MAGI1: variants seen among roughly 807,000 people sequenced by gnomAD.
MAGI1 encodes membrane associated guanylate kinase, WW and PDZ domain containing 1, also known as membrane-associated guanylate kinase, WW and PDZ domain-containing protein 1.
MAGI1 carries 58 observed loss-of-function variants against 139.9 expected under a neutral mutation model. That is an observed-to-expected ratio of 0.41 (90% confidence interval 0.34 to 0.52). The LOEUF (loss-of-function observed/expected upper bound fraction) is 0.52, where lower values mean the gene tolerates loss of function less well. MAGI1 is among the 20% of genes least tolerant of loss of function. The pLI, the probability that MAGI1 is intolerant of heterozygous loss-of-function variation, is 0.12. For synonymous variants in MAGI1, 812 were observed against 737.9 expected, an observed-to-expected ratio of 1.10 and a Z score of -1.63; for missense variants, 1,874 against 1,901.6, an observed-to-expected ratio of 0.99 and a Z score of 0.27.
At chr3:65,401,372 T>TGCCCC in intron 13 of MAGI1, 67 bp downstream of exon 13, 3 of 778,308 alleles carry the variant, frequency 3.9e-6, no homozygotes, top group Non-Finnish European at 6.3e-6. Flanking sequence ...CAGAGTACCC[T>TGCCCC]CCCACCTCCA....
chr3:65,437,665 G>GTGC (rs1023628037), intron 9 of MAGI1, among the ~76,000 whole-genome samples: 1 of 152,108 alleles, frequency 6.6e-6, no homozygotes, highest in Non-Finnish European at 1.5e-5. Context: ...TGCTAAGGGT[G>GTGC]TGCTCTTCTG....
intron 1 of MAGI1, among the ~76,000 whole-genome samples, chr3:65,680,285 A>G (rs1463730240): frequency 6.6e-6 from 1 of 152,134 alleles, no homozygotes; most frequent in Non-Finnish European, 1.5e-5. Flanking sequence ...ATACGGCACC[A>G]TCTCTGGCAG....
chr3:65,359,938 A>G, intron 22 of MAGI1: 1 of 985,428 alleles, frequency 1.0e-6, no homozygotes, highest in South Asian at 4.7e-5. Flanking sequence ...CAGTGGTATC[A>G]ATACACCTAA....
intron 2 of MAGI1, among the ~76,000 whole-genome samples, chr3:65,571,184 G>T (rs1369779221): frequency 6.6e-6 from 1 of 152,092 alleles, no homozygotes; most frequent in Non-Finnish European, 1.5e-5. Context: ...TAACGGCTTG[G>T]AAAATTCTAT....
At chr3:65,777,732 A>G (rs2038582170) in intron 1 of MAGI1, among the ~76,000 whole-genome samples, 1 of 152,150 alleles carries the variant, frequency 6.6e-6, no homozygotes, top group South Asian at 2.1e-4. Context: ...ACAAATGTAT[A>G]TAGCTGGTTT....
intron 18 of MAGI1, among the ~76,000 whole-genome samples, chr3:65,369,846 C>T (rs1395629768): frequency 6.6e-6 from 1 of 152,120 alleles, no homozygotes; most frequent in Non-Finnish European, 1.5e-5. Flanking sequence ...AGAAACCACT[C>T]TGAGTTAAGA....
intron 2 of MAGI1, among the ~76,000 whole-genome samples, chr3:65,603,341 A>C (rs1017053883): frequency 1.3e-5 from 2 of 152,212 alleles, no homozygotes; most frequent in East Asian, 3.8e-4. Flanking sequence ...CAGACCAAAA[A>C]ATATATATAG....
intron 1 of MAGI1, among the ~76,000 whole-genome samples, chr3:65,690,829 TA>T (rs1293356964): frequency 8.1e-6 from 1 of 123,332 alleles, no homozygotes; most frequent in East Asian, 4.4e-4. Context: ...TAGTCTATGT[TA>T]AAAATTGATA....
At chr3:65,688,936 T>A (rs1209458931) in intron 1 of MAGI1, among the ~76,000 whole-genome samples, 2 of 152,200 alleles carry the variant, frequency 1.3e-5, no homozygotes, top group African/African-American at 4.8e-5. Flanking sequence ...TGTTTGTACC[T>A]TTATTTTTCT....
intron 1 of MAGI1, among the ~76,000 whole-genome samples, chr3:65,787,481 T>C (rs1403340626): frequency 1.3e-5 from 2 of 151,082 alleles, no homozygotes; most frequent in Admixed American, 6.6e-5. Context: ...CCAAAACACA[T>C]TGTGTTTGAG....
chr3:65,636,369 T>A (rs2084616663), intron 1 of MAGI1, among the ~76,000 whole-genome samples: 1 of 152,208 alleles, frequency 6.6e-6, no homozygotes, highest in African/African-American at 2.4e-5. Flanking sequence ...ATCTCCATAA[T>A]TCCATAAACG....
intron 1 of MAGI1, among the ~76,000 whole-genome samples, chr3:65,625,433 G>A (rs1037899572): frequency 3.3e-5 from 5 of 152,212 alleles, no homozygotes; most frequent in Non-Finnish European, 5.9e-5. Flanking sequence ...TAAGCCAGAC[G>A]TGCCTACTTC....
At chr3:65,750,520 T>C (rs992607257) in intron 1 of MAGI1, among the ~76,000 whole-genome samples, 2 of 152,232 alleles carry the variant, frequency 1.3e-5, no homozygotes, top group Non-Finnish European at 2.9e-5. Flanking sequence ...GTTTAACAAA[T>C]ACTGGTTCAC....
At chr3:66,013,804 T>C (rs945319638) in intron 1 of MAGI1, among the ~76,000 whole-genome samples, 1 of 150,938 alleles carries the variant, frequency 6.6e-6, no homozygotes, top group Non-Finnish European at 1.5e-5. Context: ...ACATCCCCAC[T>C]AGGTATTTGA....
At position 65,532,080 on chromosome 3, in the gene MAGI1, C is replaced by T. The variant is rs543622684; in HGVS notation, c.431-38449G>A. Among the ~76,000 whole-genome samples, 6 of 152,270 alleles carry T rather than the reference C, an allele frequency of 3.9e-5. No individual in the cohort carries two copies. In the East Asian group the frequency reaches 9.7e-4, roughly 25 times the overall value. On this transcript the variant is annotated intron_variant, in intron 2 of 22. Coordinates refer to ENST00000402939, the MANE Select transcript of MAGI1 (RefSeq NM_001033057.2). Reference sequence around the variant, plus strand: ...ACAGTTCCAATCATATCTCTGTTCCCAGCCTTCTCCTTCTAGGATTCATTT... The same window carrying T: ...ACAGTTCCAATCATATCTCTGTTCCTAGCCTTCTCCTTCTAGGATTCATTT...
intron 2 of MAGI1, among the ~76,000 whole-genome samples, chr3:65,560,220 G>C (rs1053751188): frequency 1.3e-5 from 2 of 152,176 alleles, no homozygotes; most frequent in African/African-American, 4.8e-5. Context: ...TATCACTTTA[G>C]TGAAAGTATC....
chr3:65,772,584 G>A (rs1299641004), intron 1 of MAGI1, among the ~76,000 whole-genome samples: 1 of 152,194 alleles, frequency 6.6e-6, no homozygotes, highest in African/African-American at 2.4e-5. Flanking sequence ...AAGTAGGCCA[G>A]GAGCTGCCAC....
At chr3:65,696,619 G>GT (rs375563985) in intron 1 of MAGI1, among the ~76,000 whole-genome samples, 2 of 151,746 alleles carry the variant, frequency 1.3e-5, no homozygotes, top group Admixed American at 6.6e-5. Flanking sequence ...TGAGCTTCAT[G>GT]TTTTTTTTCC....
At chr3:65,574,827 C>T (rs908419190) in intron 2 of MAGI1, among the ~76,000 whole-genome samples, 9 of 151,970 alleles carry the variant, frequency 5.9e-5, no homozygotes, top group East Asian at 5.8e-4. Context: ...AACTAATTAC[C>T]AACAAAGATG....
Sources: gnomAD v4.1 joint callset for allele counts (sites outside exome capture counted in the v4.1 genomes callset) on GRCh38, gnomAD v4.1.1 for gene constraint, MANE v1.5 for transcripts, NCBI Gene and HGNC (gene_info 2026-07-23, HGNC 2026-07-21) for gene names.